The following ZFHX3 variants were observed in gnomAD, a reference collection of about 807,000 sequenced individuals.
ZFHX3 encodes the protein zinc finger homeobox 3, also known as zinc finger homeobox protein 3.
Under a neutral mutation model 279.1 loss-of-function variants are expected in ZFHX3, and 42 were observed. The observed-to-expected ratio is 0.15, with a 90% confidence interval of 0.12 to 0.19. The LOEUF (loss-of-function observed/expected upper bound fraction) is 0.19, where lower values mean the gene tolerates loss of function less well. Ranked by LOEUF, ZFHX3 falls within the 10% of genes least tolerant of loss-of-function variation. The probability of loss-of-function intolerance (pLI) is 1.00; values close to 1 mark genes in which losing one functional copy is unlikely to be tolerated. For missense variants in ZFHX3, 4,981 were observed against 4,754.0 expected (o/e 1.05, Z -1.40); for synonymous variants, 2,293 against 1,957.8 (o/e 1.17, Z -4.52).
At position 72,961,379 on chromosome 16, in the gene ZFHX3, G is replaced by A. The variant is rs146656036; in HGVS notation, c.-49-1185C>T. 9.1e-4 allele frequency among the ~76,000 whole-genome samples: 138 copies of A among 152,324 alleles called. 1 individual carries two copies. In the Middle Eastern group the frequency reaches 0.01, roughly 11 times the overall value. On this transcript the variant is annotated intron_variant, in intron 1 of 9. Transcript: ENST00000268489. ...CCTGGGGAGGGAGGCATCGGATCAC[G>A]GCCGCTCTGCTCCTGCAGTAATATC... is the stretch of plus-strand genomic sequence containing the variant.
At chr16:73,530,587 C>T (rs1018557043) in intron 2 of ZFHX3, among the ~76,000 whole-genome samples, 13 of 152,230 alleles carry the variant, frequency 8.5e-5, no homozygotes, top group Admixed American at 5.2e-4. Context: ...GGTCTGTGGA[C>T]CCCTTTTGGG....
chr16:73,343,186 G>A (rs1262831052), intron 3 of ZFHX3, among the ~76,000 whole-genome samples: 1 of 151,038 alleles, frequency 6.6e-6, no homozygotes, highest in Non-Finnish European at 1.5e-5. Context: ...AATGTTGTAG[G>A]ACTGAAATGG....
intron 2 of ZFHX3, among the ~76,000 whole-genome samples, chr16:73,536,378 C>A (rs2019901858): frequency 1.3e-5 from 2 of 152,058 alleles, no homozygotes; most frequent in South Asian, 4.2e-4. Context: ...GGAGCTACAG[C>A]CTCAGTTTAC....
chr16:73,322,171 C>T (rs746384678), intron 3 of ZFHX3, among the ~76,000 whole-genome samples: 16 of 152,158 alleles, frequency 1.1e-4, no homozygotes, highest in Non-Finnish European at 2.2e-4. Flanking sequence ...CTGCCTGGTC[C>T]ACCAGCCTGG....
chr16:72,868,631 A>T lies in ZFHX3; in HGVS notation c.3448+21100T>A, dbSNP rs572494822. Among the ~76,000 whole-genome samples the T allele has an allele frequency of 5.3e-5, 8 of 152,250 alleles. No individual in the cohort carries two copies. In the South Asian group the frequency reaches 1.2e-3, roughly 24 times the overall value. On this transcript the variant is annotated intron_variant, in intron 4 of 9. Transcript: ENST00000268489. The stretch of plus-strand genomic sequence containing the variant: ...CGTTCGCGCTCTATCTTTGGCTACA[A>T]CTACATCCCATGACCTTTATACACT...
intron 7 of ZFHX3, among the ~76,000 whole-genome samples, chr16:73,105,444 C>CATATATATATATATACACACACACACAT (rs756088886): frequency 8.0e-6 from 1 of 125,512 alleles, no homozygotes; most frequent in Non-Finnish European, 1.7e-5. Flanking sequence ...CACACACACA[C>CATATATATATATATACACACACACACAT]ATATATATAT....
intron 1 of ZFHX3, among the ~76,000 whole-genome samples, chr16:73,696,016 G>C (rs2053194731): frequency 6.6e-6 from 1 of 152,234 alleles, no homozygotes; most frequent in African/African-American, 2.4e-5. Flanking sequence ...CTCCACAAAA[G>C]AGAGTAAGAG....
rs1296737396 is a variant in ZFHX3, at chr16:73,890,219, G to C, written c.-1608+1432C>G. Among the ~76,000 whole-genome samples, 6 of 134,874 alleles carry C rather than the reference G, an allele frequency of 4.4e-5. No individual in the cohort carries two copies. In the South Asian group the frequency reaches 1.6e-3, roughly 36 times the overall value. 88.5% of individuals were successfully genotyped at this position (134,874 alleles called of 152,430 possible). A position where few individuals can be genotyped will look rare whatever the true frequency, so the allele number is the denominator to read the frequency against. The stretch of plus-strand genomic sequence containing the variant: ...TGTTAAATTTTTTCTTCTTGTAATT[G>C]TAAGAGTGTAAAAAAAAAACCAAAA... On this transcript the variant is annotated intron_variant, in intron 1 of 17. Coordinates refer to the ZFHX3 transcript ENST00000641206.
At chr16:73,405,128 C>T (rs1026662290) in intron 3 of ZFHX3, among the ~76,000 whole-genome samples, 4 of 152,170 alleles carry the variant, frequency 2.6e-5, no homozygotes, top group African/African-American at 9.7e-5. Context: ...TAATCCTCAT[C>T]ATTACAACCA....
chr16:73,661,630 G>A (rs751399924), intron 2 of ZFHX3, among the ~76,000 whole-genome samples: 2 of 151,316 alleles, frequency 1.3e-5, no homozygotes, highest in Non-Finnish European at 2.9e-5. Context: ...GCTGAGGCAG[G>A]AGAATCACTT....
At chr16:73,762,148 C>A (rs563848961) in intron 1 of ZFHX3, among the ~76,000 whole-genome samples, 6,247 of 148,804 alleles carry the variant, frequency 0.042, 172 homozygotes, top group South Asian at 0.075. Context: ...AAAAAAAAAA[C>A]AACACCATTA....
At chr16:73,075,899 G>T (rs1965883079) in intron 8 of ZFHX3, among the ~76,000 whole-genome samples, 1 of 151,994 alleles carries the variant, frequency 6.6e-6, no homozygotes, top group African/African-American at 2.4e-5. Flanking sequence ...CAAAGTGCTG[G>T]GATTATAGGT....
intron 1 of ZFHX3, among the ~76,000 whole-genome samples, chr16:73,842,580 G>A (rs1961338139): frequency 6.6e-6 from 1 of 152,136 alleles, no homozygotes; most frequent in Non-Finnish European, 1.5e-5. Context: ...GATGCAGTCA[G>A]ATGATGGCCA....
chr16:73,540,463 C>T (rs925706474), intron 2 of ZFHX3, among the ~76,000 whole-genome samples: 3 of 152,182 alleles, frequency 2.0e-5, no homozygotes, highest in East Asian at 3.9e-4. Context: ...GCATCAAAAT[C>T]TCCTAAGAGA....
At chr16:73,689,822 T>G (rs887210028) in intron 1 of ZFHX3, among the ~76,000 whole-genome samples, 5 of 151,050 alleles carry the variant, frequency 3.3e-5, no homozygotes, top group South Asian at 2.1e-4. Flanking sequence ...TTTTTGTTTT[T>G]TTTGTTGTTG....
intron 3 of ZFHX3, among the ~76,000 whole-genome samples, chr16:73,363,474 C>A (rs1312255495): frequency 6.6e-6 from 1 of 152,116 alleles, no homozygotes; most frequent in Non-Finnish European, 1.5e-5. Context: ...CCTGTGCATA[C>A]CCCTGAATAT....
intron 2 of ZFHX3, among the ~76,000 whole-genome samples, chr16:73,661,166 G>A (rs1444576440): frequency 6.6e-6 from 1 of 152,188 alleles, no homozygotes; most frequent in Non-Finnish European, 1.5e-5. Flanking sequence ...AAAGGGTCCG[G>A]TTTCTTGTGT....
intron 2 of ZFHX3, among the ~76,000 whole-genome samples, chr16:73,619,305 G>A (rs181729010): frequency 2.1e-4 from 32 of 151,882 alleles, no homozygotes; most frequent in African/African-American, 3.6e-4. Flanking sequence ...TGGCTAACAC[G>A]GTGAAATCCC....
At chr16:73,551,079 C>T (rs572270444) in intron 2 of ZFHX3, among the ~76,000 whole-genome samples, 112 of 152,288 alleles carry the variant, frequency 7.4e-4, no homozygotes, top group Non-Finnish European at 1.3e-3. Flanking sequence ...TTCTGTTACA[C>T]GAGAGATTGC....
Sources: allele counts gnomAD v4.1 joint callset (sites outside exome capture counted in the v4.1 genomes callset), GRCh38; gene constraint gnomAD v4.1.1; transcripts MANE v1.5; gene names NCBI Gene and HGNC (gene_info 2026-07-23, HGNC 2026-07-21).